APP: variants seen among roughly 807,000 people sequenced by gnomAD.
The protein encoded by APP is amyloid beta precursor protein.
A neutral mutation model predicts 101.4 loss-of-function variants in APP; 31 were observed. The observed-to-expected ratio is 0.31, with a 90% confidence interval of 0.23 to 0.41. The LOEUF (loss-of-function observed/expected upper bound fraction) is 0.41, where lower values mean the gene tolerates loss of function less well. Among genes scored for constraint, APP ranks in the 10% least tolerant of loss-of-function variants. The pLI is 1.00. For missense variants in APP, 839 were observed against 1,003.7 expected (o/e 0.84, Z 2.22); for synonymous variants, 366 against 364.4 (o/e 1.00, Z -0.05).
chr21:25,981,165 A>C (rs1030304299), intron 9 of APP, among the ~76,000 whole-genome samples: 4 of 152,152 alleles, frequency 2.6e-5, no homozygotes, highest in Non-Finnish European at 4.4e-5. Flanking sequence ...GGAGGGAGGA[A>C]TCTTCCTGGG....
Position 25,892,414 on chromosome 21 carries a change from T to C in APP, c.2065-546A>G, listed in dbSNP as rs546942798. Among the ~76,000 whole-genome samples the C allele has an allele frequency of 3.3e-5, 5 of 152,292 alleles. No homozygotes were observed. In the South Asian group the frequency reaches 8.3e-4, roughly 25 times the overall value. On this transcript the variant is annotated intron_variant, in intron 16 of 17. Coordinates refer to ENST00000346798, the MANE Select transcript of APP (RefSeq NM_000484.4). ...GAGGGACACTTTTAATGCACAGGAA[T>C]AGGCATTCTGAAACAAAGGAGTTAA...
intron 13 of APP, among the ~76,000 whole-genome samples, chr21:25,920,598 C>T (rs1234376947): frequency 1.1e-4 from 17 of 151,972 alleles, no homozygotes; most frequent in Admixed American, 8.5e-4. Flanking sequence ...ATAAAACAGA[C>T]GTTAAACCAA....
chr21:25,882,365 T>C (rs2037047400), intron 17 of APP, among the ~76,000 whole-genome samples: 1 of 149,042 alleles, frequency 6.7e-6, no homozygotes, highest in South Asian at 2.2e-4. Context: ...GGCTATTATT[T>C]GGCACAAGAA....
At chr21:26,156,838 T>C (rs1392668519) in intron 1 of APP, among the ~76,000 whole-genome samples, 1 of 145,332 alleles carries the variant, frequency 6.9e-6, no homozygotes, top group African/African-American at 2.4e-5. Context: ...ATTTTCAAAC[T>C]TAACTATATG....
chr21:25,961,675 T>G (rs1330560998), intron 11 of APP, among the ~76,000 whole-genome samples: 1 of 152,202 alleles, frequency 6.6e-6, no homozygotes, highest in East Asian at 1.9e-4. Context: ...TTTATTATGC[T>G]AAGACAAAGA....
intron 13 of APP, among the ~76,000 whole-genome samples, chr21:25,948,839 C>G (rs2040942972): frequency 6.6e-6 from 1 of 151,760 alleles, no homozygotes; most frequent in South Asian, 2.1e-4. Flanking sequence ...TTTTAAGTAA[C>G]AATTTGACAA....
At chr21:25,884,027 C>A (rs1252354745) in intron 17 of APP, among the ~76,000 whole-genome samples, 3 of 152,108 alleles carry the variant, frequency 2.0e-5, no homozygotes, top group African/African-American at 7.2e-5. Flanking sequence ...TACAGGCACC[C>A]GCCACTACGC....
intron 5 of APP, among the ~76,000 whole-genome samples, chr21:26,034,116 CCA>C (rs2044976514): frequency 6.6e-6 from 1 of 152,180 alleles, no homozygotes; most frequent in Non-Finnish European, 1.5e-5. Flanking sequence ...TCCTGAAAGA[CCA>C]CAGATAATAG....
intron 1 of APP, among the ~76,000 whole-genome samples, chr21:26,122,865 C>T (rs1265492896): frequency 1.3e-5 from 2 of 151,796 alleles, no homozygotes; most frequent in Non-Finnish European, 2.9e-5. Context: ...GAATTTACTC[C>T]GTGAAAGCTC....
intron 9 of APP, among the ~76,000 whole-genome samples, chr21:25,976,673 A>G (rs2042235626): frequency 6.6e-6 from 1 of 152,268 alleles, no homozygotes; most frequent in Non-Finnish European, 1.5e-5. Flanking sequence ...AACATGTAAT[A>G]TTCTGAATGC....
In APP at chr21:26,170,599, G is replaced by A. The variant is rs1712579057; in HGVS notation, c.22C>T (p.Leu8Phe). ...CGAGCCGTCCAGGCGGCCAGCAGGA[G>A]CAGTGCCAAACCGGGCAGCATCGCG... MLPGLAL[L>F]LLAAWTARAL... The change falls in exon 1 of 18, where the codon CTC becomes TTC. Residue 8 changes from leucine to phenylalanine, a missense_variant. Physicochemically the swap from Leu to Phe is conservative, Grantham distance 22. Transcript: ENST00000346798. The A allele has an allele frequency of 1.9e-6, 3 of 1,538,838 alleles. No individual in the cohort carries two copies. Among genetic ancestry groups the A allele is most frequent in the Non-Finnish European group, 2.6e-6 (3 of 1,146,412 alleles).
intron 1 of APP, among the ~76,000 whole-genome samples, chr21:26,141,478 G>A (rs867601878): frequency 5.9e-5 from 9 of 152,108 alleles, no homozygotes; most frequent in Non-Finnish European, 1.0e-4. Context: ...CTGGGTTCTG[G>A]ATGACTGAGT....
chr21:26,068,836 G>A (rs1432006778), intron 3 of APP, among the ~76,000 whole-genome samples: 2 of 152,092 alleles, frequency 1.3e-5, no homozygotes, highest in African/African-American at 2.4e-5. Context: ...ATGCCTAAGG[G>A]TCAACAGCCT....
chr21:25,906,455 ATAAG>A (rs1238440009), intron 14 of APP, among the ~76,000 whole-genome samples: 1 of 152,264 alleles, frequency 6.6e-6, no homozygotes, highest in Non-Finnish European at 1.5e-5. Context: ...TGAGGAACAA[ATAAG>A]TAACCTTTAA....
At chr21:25,972,952 C>T (rs903733080) in intron 11 of APP, among the ~76,000 whole-genome samples, 1 of 152,068 alleles carries the variant, frequency 6.6e-6, no homozygotes, top group Non-Finnish European at 1.5e-5. Context: ...AAAGTACTGT[C>T]TGTGGAGTGG....
At chr21:26,138,526 CA>C (rs10535530) in intron 1 of APP, among the ~76,000 whole-genome samples, 55,785 of 140,396 alleles carry the variant, frequency 0.4, 12,540 homozygotes, top group Non-Finnish European at 0.52. Flanking sequence ...TCTGTCTCTA[CA>C]AAAAAAAAAA....
intron 5 of APP, 100 bp from the exon 6 acceptor site, chr21:26,022,142 A>C: frequency 7.3e-7 from 1 of 1,361,808 alleles, no homozygotes; most frequent in Non-Finnish European, 1.0e-6. Flanking sequence ...TTTGAGAAGA[A>C]ACACACCCAA....
intron 3 of APP, among the ~76,000 whole-genome samples, chr21:26,056,940 T>C (rs1178580698): frequency 6.6e-6 from 1 of 152,218 alleles, no homozygotes; most frequent in Non-Finnish European, 1.5e-5. Flanking sequence ...TTTAAAAACT[T>C]TTAATAAGCG....
At chr21:25,954,818 C>T (rs2041244705) in intron 12 of APP, 129 bp from the exon 13 acceptor site, 6 of 770,508 alleles carry the variant, frequency 7.8e-6, no homozygotes, top group Non-Finnish European at 1.3e-5. Context: ...TCTTACCAAG[C>T]ACTGCAGGTA....
Sources: gnomAD v4.1 joint callset for allele counts (sites outside exome capture counted in the v4.1 genomes callset) on GRCh38, gnomAD v4.1.1 for gene constraint, MANE v1.5 for transcripts, NCBI Gene and HGNC (gene_info 2026-07-23, HGNC 2026-07-21) for gene names.